DHRSX: variants seen among roughly 807,000 people sequenced by gnomAD.
DHRSX encodes the protein dehydrogenase/reductase X-linked.
In DHRSX, 31 loss-of-function variants were observed where a neutral mutation model predicts 34.0. The ratio of observed to expected loss-of-function variants is 0.91; its 90% CI spans 0.69 to 1.23. The LOEUF (loss-of-function observed/expected upper bound fraction) is 1.23, where lower values mean the gene tolerates loss of function less well. DHRSX is among the 50% of genes most tolerant of loss of function. The pLI, the probability that DHRSX is intolerant of heterozygous loss-of-function variation, is 0.00. For missense variants in DHRSX, 414 were observed against 428.1 expected (o/e 0.97, Z 0.29); for synonymous variants, 201 against 183.8 (o/e 1.09, Z -0.76).
chrX:2,302,566 C>T (rs1291519978), intron 3 of DHRSX, among the ~76,000 whole-genome samples: 12 of 151,878 alleles, frequency 7.9e-5, no homozygotes, highest in Non-Finnish European at 1.5e-4. Flanking sequence ...GAGCTGAGAT[C>T]GCACCACTGC....
At chrX:2,454,753 C>T (rs1444094976) in intron 1 of DHRSX, among the ~76,000 whole-genome samples, 3 of 152,038 alleles carry the variant, frequency 2.0e-5, no homozygotes, top group East Asian at 3.9e-4. Context: ...CTCAAAACGA[C>T]GTCATGTAGA....
intron 5 of DHRSX, among the ~76,000 whole-genome samples, chrX:2,254,888 C>A (rs187930470): frequency 2.6e-5 from 4 of 151,740 alleles, no homozygotes; most frequent in African/African-American, 9.7e-5. Context: ...TTGTGATCCA[C>A]CCCCTAGGCC....
intron 1 of DHRSX, among the ~76,000 whole-genome samples, chrX:2,482,061 G>A (rs189437613): frequency 0.11 from 16,587 of 149,920 alleles, 1,317 homozygotes; most frequent in South Asian, 0.28. Flanking sequence ...GCCTCCTTGG[G>A]CTCAAGCGAT....
intron 1 of DHRSX, among the ~76,000 whole-genome samples, chrX:2,433,099 G>A (rs758557139): frequency 6.6e-6 from 1 of 151,560 alleles, no homozygotes; most frequent in South Asian, 2.1e-4. Flanking sequence ...ACTCCAGGAG[G>A]AACAAGACAC....
At chrX:2,252,046 T>A (rs1325136840) in intron 5 of DHRSX, among the ~76,000 whole-genome samples, 1 of 151,998 alleles carries the variant, frequency 6.6e-6, no homozygotes, top group Non-Finnish European at 1.5e-5. Context: ...GAGACTAGCC[T>A]GGCCAACATG....
At chrX:2,392,468 C>A in intron 3 of DHRSX, 1 of 296,638 alleles carries the variant, frequency 3.4e-6, no homozygotes, top group Non-Finnish European at 6.9e-6. Context: ...CAGCAAGACT[C>A]ACGTCTCTTA....
chrX:2,488,394 C>T (rs1453435006), intron 1 of DHRSX: 8 of 482,250 alleles, frequency 1.7e-5, no homozygotes, highest in Admixed American at 1.2e-4. Context: ...AGGCTGGTCT[C>T]GATCTCCTGA....
intron 3 of DHRSX, among the ~76,000 whole-genome samples, chrX:2,355,604 T>A (rs983712000): frequency 6.7e-6 from 1 of 149,624 alleles, no homozygotes; most frequent in Non-Finnish European, 1.5e-5. Flanking sequence ...CCTAATATAT[T>A]CATATCAGAT....
chrX:2,334,170 C>CATTTTTTTTTTTTT, intron 3 of DHRSX: 1 of 105,112 alleles, frequency 9.5e-6, no homozygotes, highest in Non-Finnish European at 1.9e-5. Context: ...CAAAAGTATG[C>CATTTTTTTTTTTTT]TTTTTTTTTT....
intron 6 of DHRSX, among the ~76,000 whole-genome samples, chrX:2,223,964 G>C (rs1322170609): frequency 6.6e-6 from 1 of 152,154 alleles, no homozygotes; most frequent in African/African-American, 2.4e-5. Context: ...AGGCCAGATG[G>C]GGGCCACCCT....
chrX:2,492,952 C>T (rs910424999), intron 1 of DHRSX, among the ~76,000 whole-genome samples: 1 of 152,254 alleles, frequency 6.6e-6, no homozygotes, highest in African/African-American at 2.4e-5. Flanking sequence ...CCCGTCTTCA[C>T]GGGCAGTCGC....
chrX:2,455,741 C>CAAAAAAAAAAAAA (rs752123891), intron 1 of DHRSX, among the ~76,000 whole-genome samples: 4 of 59,792 alleles, frequency 6.7e-5, no homozygotes, highest in Non-Finnish European at 1.3e-4. Context: ...AACTTCGTCT[C>CAAAAAAAAAAAAA]AAAAAAAAAA....
At chrX:2,428,559 G>A (rs1450419846) in intron 1 of DHRSX, among the ~76,000 whole-genome samples, 1 of 152,130 alleles carries the variant, frequency 6.6e-6, no homozygotes, top group African/African-American at 2.4e-5. Context: ...TCACAAGTGG[G>A]AGTTGAACAA....
At chrX:2,315,812 C>A (rs1001648016) in intron 3 of DHRSX, among the ~76,000 whole-genome samples, 3 of 152,090 alleles carry the variant, frequency 2.0e-5, no homozygotes, top group Non-Finnish European at 4.4e-5. Context: ...TCCAGGCATG[C>A]TGAATTGGGA....
rs750707720 is a variant in DHRSX at position 2,362,964 on chromosome X, G to A, written c.286+45781C>T. The stretch of plus-strand genomic sequence containing the variant: ...TATGGTATCATGCCATTTTATCACC[G>A]TTCTATGGTATCATGCCGCCATTTT... On this transcript the variant is annotated intron_variant, in intron 3 of 6. Transcript: ENST00000334651. Among the ~76,000 whole-genome samples the A allele has an allele frequency of 5.9e-5, 6 of 101,088 alleles. 1 individual carries two copies. The South Asian group carries it at 1.4e-3, about 23-fold the overall frequency. 66.3% of individuals were successfully genotyped at this position (101,088 alleles called of 152,430 possible). A position where few individuals can be genotyped will look rare whatever the true frequency, so the allele number is the denominator to read the frequency against.
chrX:2,275,718 G>A (rs2041620346), intron 4 of DHRSX, among the ~76,000 whole-genome samples: 1 of 151,762 alleles, frequency 6.6e-6, no homozygotes, highest in Middle Eastern at 3.4e-3. Context: ...TTTTCTGGGA[G>A]GCGGAGATTG....
chrX:2,372,035 T>C (rs927723060), intron 3 of DHRSX, among the ~76,000 whole-genome samples: 1 of 152,240 alleles, frequency 6.6e-6, no homozygotes, highest in Non-Finnish European at 1.5e-5. Flanking sequence ...ATCACTTATT[T>C]AATTTTCGCG....
chrX:2,232,181 C>G (rs1003190129), intron 6 of DHRSX, among the ~76,000 whole-genome samples: 1 of 151,530 alleles, frequency 6.6e-6, no homozygotes, highest in Non-Finnish European at 1.5e-5. Flanking sequence ...TATCAATTTA[C>G]AGTATAATCC....
chrX:2,488,591 A>G lies in DHRSX; in HGVS notation c.109+12226T>C, dbSNP rs1292495017. On this transcript the variant is annotated intron_variant, in intron 1 of 6. Coordinates refer to ENST00000334651, the MANE Select transcript of DHRSX (RefSeq NM_145177.3). ...GTAAGTATTTACAGCAAAGCATCCA[A>G]TGGGCTGCTGCGGGGATGACTTGTA... 3 of 1,539,984 alleles carry G rather than the reference A, an allele frequency of 1.9e-6. No individual in the cohort carries two copies. In the East Asian group the frequency reaches 6.8e-5, roughly 35 times the overall value.
Sources: gnomAD v4.1 joint callset for allele counts (sites outside exome capture counted in the v4.1 genomes callset) on GRCh38, gnomAD v4.1.1 for gene constraint, MANE v1.5 for transcripts, NCBI Gene and HGNC (gene_info 2026-07-23, HGNC 2026-07-21) for gene names.